The following RBFOX1 variants were observed in gnomAD, a reference collection of about 807,000 sequenced individuals.
RBFOX1 encodes the protein RNA binding fox-1 homolog 1.
In RBFOX1, 8 loss-of-function variants were observed where a neutral mutation model predicts 57.7. That is an observed-to-expected ratio of 0.14 (90% CI 0.08 to 0.25). The LOEUF is 0.25. Ranked by LOEUF, RBFOX1 falls within the 10% of genes least tolerant of loss-of-function variation. The probability of loss-of-function intolerance (pLI) is 1.00; values close to 1 mark genes in which losing one functional copy is unlikely to be tolerated. For synonymous variants in RBFOX1, 326 were observed against 222.4 expected, an observed-to-expected ratio of 1.47 and a Z score of -4.15; for missense variants, 611 against 548.5, an observed-to-expected ratio of 1.11 and a Z score of -1.14.
At chr16:5,736,816 A>G (rs1014250735) in intron 3 of RBFOX1, among the ~76,000 whole-genome samples, 4 of 141,714 alleles carry the variant, frequency 2.8e-5, no homozygotes, top group African/African-American at 1.1e-4. Flanking sequence ...TCTCTTTTTC[A>G]TTCTTTTTTC....
chr16:6,524,400 G>A (rs968663133), intron 2 of RBFOX1, among the ~76,000 whole-genome samples: 4 of 152,156 alleles, frequency 2.6e-5, no homozygotes, highest in South Asian at 2.1e-4. Flanking sequence ...CTGTTGATGG[G>A]CACTTAGGTT....
intron 1 of RBFOX1, among the ~76,000 whole-genome samples, chr16:5,331,497 T>G (rs1412248645): frequency 6.6e-6 from 1 of 152,272 alleles, no homozygotes; most frequent in Non-Finnish European, 1.5e-5. Context: ...TTACCAATTC[T>G]GGAACTAGTG....
At chr16:6,820,831 A>C (rs1217230906) in intron 3 of RBFOX1, among the ~76,000 whole-genome samples, 1 of 152,180 alleles carries the variant, frequency 6.6e-6, no homozygotes, top group South Asian at 2.1e-4. Flanking sequence ...GGTACTTCCA[A>C]AGAAGCCATG....
At chr16:6,357,184 T>A (rs2087495543) in intron 2 of RBFOX1, among the ~76,000 whole-genome samples, 1 of 152,110 alleles carries the variant, frequency 6.6e-6, no homozygotes, top group African/African-American at 2.4e-5. Context: ...AATATCTGGC[T>A]GCTTTGCACG....
chr16:5,801,518 T>C (rs1431050956), intron 3 of RBFOX1, among the ~76,000 whole-genome samples: 2 of 152,168 alleles, frequency 1.3e-5, no homozygotes, highest in African/African-American at 4.8e-5. Context: ...AGCAGAGACA[T>C]ATGTGTCTCG....
intron 1 of RBFOX1, among the ~76,000 whole-genome samples, chr16:6,227,773 A>G (rs879563551): frequency 6.6e-6 from 1 of 152,198 alleles, no homozygotes; most frequent in Non-Finnish European, 1.5e-5. Flanking sequence ...TAAAAAATGA[A>G]TATGTGGTTA....
At chr16:6,607,634 T>C (rs561669368) in intron 2 of RBFOX1, among the ~76,000 whole-genome samples, 90 of 152,026 alleles carry the variant, frequency 5.9e-4, no homozygotes, top group African/African-American at 2.0e-3. Context: ...TCCTCCTCTA[T>C]CTCTCCTCTC....
intron 1 of RBFOX1, among the ~76,000 whole-genome samples, chr16:5,373,221 C>T (rs376122284): frequency 1.3e-5 from 2 of 152,016 alleles, no homozygotes; most frequent in Admixed American, 6.5e-5. Flanking sequence ...TTCTAGGTGT[C>T]GTGTTACTGG....
intron 3 of RBFOX1, among the ~76,000 whole-genome samples, chr16:5,716,557 C>T (rs962226033): frequency 1.3e-5 from 2 of 152,202 alleles, no homozygotes; most frequent in African/African-American, 4.8e-5. Context: ...CAAACAATAA[C>T]AGATGTGGGC....
intron 1 of RBFOX1, among the ~76,000 whole-genome samples, chr16:5,357,152 C>T (rs1890530747): frequency 6.6e-6 from 1 of 152,188 alleles, no homozygotes; most frequent in Admixed American, 6.5e-5. Flanking sequence ...GGGCTCACTG[C>T]TCGAGCCCTT....
At chr16:6,363,434 A>G (rs2088983739) in intron 2 of RBFOX1, among the ~76,000 whole-genome samples, 1 of 152,232 alleles carries the variant, frequency 6.6e-6, no homozygotes, top group Non-Finnish European at 1.5e-5. Context: ...AATACTGTCA[A>G]AGGGACTGGA....
chr16:6,721,253 G>A (rs554653473), intron 3 of RBFOX1, among the ~76,000 whole-genome samples: 8 of 152,228 alleles, frequency 5.3e-5, no homozygotes, highest in African/African-American at 1.7e-4. Context: ...GACCAGTCTG[G>A]CCAACATGGT....
rs540563328 is a variant in RBFOX1, at chr16:5,239,849, C to T, written c.-38C>T. 4.3e-5 allele frequency: 53 copies of T among 1,235,946 alleles called. No individual in the cohort carries two copies. The African/African-American group carries it at 7.6e-4, about 18-fold the overall frequency. 76.6% of individuals were successfully genotyped at this position (1,235,946 alleles called of 1,614,324 possible). ...GCCGAGAGGCCGCTCGCGCCGGGTCCTTCCTCTTCCCCAAGTGCAGGCAGA... is the reference window on the plus strand; with the variant it reads ...GCCGAGAGGCCGCTCGCGCCGGGTCTTTCCTCTTCCCCAAGTGCAGGCAGA... On this transcript the variant is annotated 5_prime_UTR_variant, in exon 1 of 3. Coordinates refer to the RBFOX1 transcript ENST00000585867.
chr16:6,955,807 G>C (rs2081694422), intron 3 of RBFOX1, among the ~76,000 whole-genome samples: 2 of 152,094 alleles, frequency 1.3e-5, no homozygotes, highest in African/African-American at 4.8e-5. Context: ...CCTGGTTCAA[G>C]TGATTCTCCT....
chr16:7,298,807 T>C (rs2095961202), intron 4 of RBFOX1, among the ~76,000 whole-genome samples: 1 of 152,122 alleles, frequency 6.6e-6, no homozygotes, highest in Admixed American at 6.5e-5. Context: ...ATCATAAATG[T>C]TTTCATCTTT....
chr16:7,594,775 T>G (rs1198103748), intron 7 of RBFOX1, among the ~76,000 whole-genome samples: 2 of 152,204 alleles, frequency 1.3e-5, no homozygotes, highest in East Asian at 3.8e-4. Flanking sequence ...GGGTACACCT[T>G]TCCCTTTCTG....
At chr16:5,504,733 G>A (rs1459857310) in intron 2 of RBFOX1, among the ~76,000 whole-genome samples, 1 of 152,206 alleles carries the variant, frequency 6.6e-6, no homozygotes, top group African/African-American at 2.4e-5. Context: ...GCAGCTCTGT[G>A]GGGAAGGAAC....
At chr16:5,934,829 G>T (rs1227100975) in intron 4 of RBFOX1, among the ~76,000 whole-genome samples, 3 of 152,214 alleles carry the variant, frequency 2.0e-5, no homozygotes, top group Non-Finnish European at 4.4e-5. Context: ...CAGTGAAAGA[G>T]CAGGGCAGGG....
chr16:7,047,015 T>C (rs1335335781), intron 3 of RBFOX1, among the ~76,000 whole-genome samples: 1 of 151,126 alleles, frequency 6.6e-6, no homozygotes, highest in Non-Finnish European at 1.5e-5. Flanking sequence ...TTTAATGAAC[T>C]CAAGAGTATA....
Sources: gnomAD v4.1 joint callset for allele counts (sites outside exome capture counted in the v4.1 genomes callset) on GRCh38, gnomAD v4.1.1 for gene constraint, MANE v1.5 for transcripts, NCBI Gene and HGNC (gene_info 2026-07-23, HGNC 2026-07-21) for gene names.